The following NDST3 variants were observed in gnomAD, a reference collection of about 807,000 sequenced individuals.
NDST3 encodes the protein N-deacetylase and N-sulfotransferase 3, also known as bifunctional heparan sulfate N-deacetylase/N-sulfotransferase 3.
A neutral mutation model predicts 96.1 loss-of-function variants in NDST3; 58 were observed. The observed-to-expected ratio is 0.60, with a 90% CI of 0.49 to 0.75. The LOEUF is 0.75. NDST3 is among the 30% of genes least tolerant of loss of function. The pLI, the probability that NDST3 is intolerant of heterozygous loss-of-function variation, is 0.00. For synonymous variants in NDST3, 333 were observed against 359.7 expected (o/e 0.93, Z 0.84); for missense variants, 788 against 1,034.2 (o/e 0.76, Z 3.27).
intron 6 of NDST3, among the ~76,000 whole-genome samples, chr4:118,182,275 C>T (rs1736659187): frequency 6.6e-6 from 1 of 152,138 alleles, no homozygotes; most frequent in South Asian, 2.1e-4. Flanking sequence ...AAAAGCTGTT[C>T]ATGGGAGGGA....
At chr4:118,065,440 A>C (rs745644597) in intron 2 of NDST3, among the ~76,000 whole-genome samples, 2 of 152,086 alleles carry the variant, frequency 1.3e-5, no homozygotes, top group Non-Finnish European at 2.9e-5. Context: ...CTTCACTTAG[A>C]TGTCTTAAGA....
chr4:118,189,432 C>G (rs1287648119), intron 6 of NDST3, among the ~76,000 whole-genome samples: 2 of 152,118 alleles, frequency 1.3e-5, no homozygotes, highest in South Asian at 4.1e-4. Context: ...CTATTTATGT[C>G]TTTTTTGGAT....
intron 1 of NDST3, among the ~76,000 whole-genome samples, chr4:118,049,744 A>C (rs79715578): frequency 3.3e-5 from 5 of 150,624 alleles, no homozygotes; most frequent in South Asian, 2.1e-4. Flanking sequence ...AAAAAAAAAA[A>C]CCCTACCCAC....
chr4:118,196,726 ATCT>A (rs1220906733), intron 6 of NDST3, among the ~76,000 whole-genome samples: 3 of 150,942 alleles, frequency 2.0e-5, no homozygotes, highest in Non-Finnish European at 4.4e-5. Flanking sequence ...ACATATTTGG[ATCT>A]TCTTTTTTTT....
chr4:118,117,039 G>A (rs146080354), intron 4 of NDST3, among the ~76,000 whole-genome samples: 26 of 152,224 alleles, frequency 1.7e-4, no homozygotes, highest in African/African-American at 5.8e-4. Context: ...TCTTAGAAGC[G>A]TCATTCCTAA....
At chr4:118,056,628 G>C (rs140357574) in intron 2 of NDST3, among the ~76,000 whole-genome samples, 3 of 151,854 alleles carry the variant, frequency 2.0e-5, no homozygotes, top group African/African-American at 7.2e-5. Context: ...GTTATTAAGC[G>C]TGTACTACAT....
rs866520450 is a variant in NDST3 at position 118,054,349 on chromosome 4, C to T, written c.439C>T (p.Arg147Ter). The T allele has an allele frequency of 3.1e-6, 5 of 1,612,186 alleles. No individual in the cohort carries two copies. Among genetic ancestry groups the T allele is most frequent in the African/African-American group, 1.3e-5 (1 of 74,934 alleles). ...LKYINMDSWN[R>*]SLLDKYCVEY... ...GTATATAAATATGGATTCCTGGAAT[C>T]GAAGCCTTCTAGATAAATACTGTGT... Residue 147 changes from arginine to a stop codon, truncating the protein, a stop_gained, in exon 2 of 14, where the codon CGA becomes TGA. Coordinates refer to ENST00000296499, the MANE Select transcript of NDST3 (RefSeq NM_004784.3). LOFTEE classifies it high-confidence loss of function.
intron 6 of NDST3, among the ~76,000 whole-genome samples, chr4:118,200,886 A>G (rs549825060): frequency 1.3e-5 from 2 of 152,220 alleles, no homozygotes; most frequent in Admixed American, 1.3e-4. Flanking sequence ...AGGTTCCCTC[A>G]CCCTGGTAGT....
intron 2 of NDST3, among the ~76,000 whole-genome samples, chr4:118,090,285 A>C (rs904645034): frequency 6.6e-6 from 1 of 151,986 alleles, no homozygotes; most frequent in South Asian, 2.1e-4. Flanking sequence ...TTTAAACAGC[A>C]AGTTAAAGTT....
chr4:118,105,061 A>AT lies in NDST3; in HGVS notation c.1029dup (p.Thr344TyrfsTer16). On this transcript the variant is annotated frameshift_variant, in exon 3 of 14. Coordinates refer to ENST00000296499, the MANE Select transcript of NDST3 (RefSeq NM_004784.3). LOFTEE classifies it high-confidence loss of function. ...AATCTTTTGCGTGCACAAATCACAAATTTTACATTCAACCTGGGATTTTCA... is the reference window on the plus strand; with the variant it reads ...AATCTTTTGCGTGCACAAATCACAAATTTTTACATTCAACCTGGGATTTTCA... The AT allele has an allele frequency of 6.2e-7, 1 of 1,613,516 alleles. No homozygotes were observed. The highest frequency in any genetic ancestry group is 8.5e-7 in the Non-Finnish European group (1 of 1,179,684).
rs1229670678 is a variant in NDST3 at position 118,233,064 on chromosome 4, C to T, written c.1872C>T (p.Asn624=). The change falls in exon 9 of 14, where the codon AAC becomes AAT. Residue 624 remains asparagine (N), a synonymous_variant. Coordinates refer to ENST00000296499, the MANE Select transcript of NDST3 (RefSeq NM_004784.3). ...TTATGCATCCTTCCATCCTTAGTAACTCCCCCAGCCCAAAAACCTTTGAGG... is the reference window on the plus strand; with the variant it reads ...TTATGCATCCTTCCATCCTTAGTAATTCCCCCAGCCCAAAAACCTTTGAGG... ...FLVMHPSILS[N]SPSPKTFEEV... is the part of the protein sequence containing the mutation. 1.2e-6 allele frequency: 2 copies of T among 1,612,660 alleles called. No homozygotes were observed. The highest frequency in any genetic ancestry group is 2.7e-5 in the African/African-American group (2 of 74,858).
chr4:118,224,220 A>C (rs779718695), intron 6 of NDST3, among the ~76,000 whole-genome samples: 2 of 152,202 alleles, frequency 1.3e-5, no homozygotes, highest in Non-Finnish European at 2.9e-5. Flanking sequence ...CAACATGGGT[A>C]TACAGCAGCT....
intron 6 of NDST3, among the ~76,000 whole-genome samples, chr4:118,187,400 T>A (rs577627637): frequency 3.7e-4 from 57 of 152,302 alleles, no homozygotes; most frequent in Non-Finnish European, 8.8e-5. Flanking sequence ...ACAAATGATA[T>A]CCATCCAAAA....
chr4:118,066,129 TTATATAATATATTTTATATATTA>T (rs1726324874), intron 2 of NDST3, among the ~76,000 whole-genome samples: 7 of 44,750 alleles, frequency 1.6e-4, no homozygotes, highest in Non-Finnish European at 2.8e-4. Flanking sequence ...ATTATATATA[TTATATAATATATTTTATATATTA>T]TATATATTAT....
intron 2 of NDST3, among the ~76,000 whole-genome samples, chr4:118,092,079 A>T (rs1035838353): frequency 3.6e-4 from 15 of 41,524 alleles, no homozygotes; most frequent in African/African-American, 6.1e-4. Flanking sequence ...TTTATTTATT[A>T]TATTTTAAGT....
intron 1 of NDST3, among the ~76,000 whole-genome samples, chr4:118,042,551 C>T (rs967112946): frequency 2.3e-4 from 35 of 152,216 alleles, no homozygotes; most frequent in African/African-American, 8.2e-4. Flanking sequence ...TGTTCAAATG[C>T]ACCCAATGCT....
At chr4:118,093,657 G>A (rs1053950073) in intron 2 of NDST3, among the ~76,000 whole-genome samples, 14 of 151,540 alleles carry the variant, frequency 9.2e-5, no homozygotes, top group Non-Finnish European at 1.2e-4. Flanking sequence ...CTAACTTATC[G>A]TATCTAATCT....
In NDST3 at chr4:118,035,832, T is replaced by G. The variant is rs1578516702; in HGVS notation, c.-156+1240T>G. The stretch of plus-strand genomic sequence containing the variant: ...GTTAATTTTGAGCTTGTCACATGAG[T>G]TAATTTTCTTCATAGTCTTTAAAAT... On this transcript the variant is annotated intron_variant, in intron 1 of 13. Coordinates refer to ENST00000296499, the MANE Select transcript of NDST3 (RefSeq NM_004784.3). 2.0e-5 allele frequency among the ~76,000 whole-genome samples: 3 copies of G among 152,160 alleles called. No individual in the cohort carries two copies. The East Asian group carries it at 5.8e-4, about 29-fold the overall frequency.
chr4:118,146,185 G>A (rs567584092), intron 6 of NDST3, among the ~76,000 whole-genome samples: 1 of 152,280 alleles, frequency 6.6e-6, no homozygotes, highest in East Asian at 1.9e-4. Flanking sequence ...AACCTTGATG[G>A]AATCAAAGTA....
Sources: gnomAD v4.1 joint callset for allele counts (sites outside exome capture counted in the v4.1 genomes callset) on GRCh38, gnomAD v4.1.1 for gene constraint, MANE v1.5 for transcripts, NCBI Gene and HGNC (gene_info 2026-07-23, HGNC 2026-07-21) for gene names.